Variants in CSMD1 observed in about 807,000 individuals in gnomAD.
CSMD1 encodes CUB and Sushi multiple domains 1.
CSMD1 carries 213 observed loss-of-function variants against 417.5 expected under a neutral mutation model. That is an observed-to-expected ratio of 0.51 (90% CI 0.46 to 0.57). CSMD1 has a LOEUF of 0.57. CSMD1 is among the 20% of genes least tolerant of loss of function. CSMD1 has a pLI of 0.00. For synonymous variants in CSMD1, 2,862 were observed against 1,736.8 expected, an observed-to-expected ratio of 1.65 and a Z score of -16.11; for missense variants, 6,923 against 4,529.7, an observed-to-expected ratio of 1.53 and a Z score of -15.17.
At chr8:4,031,324 C>G (rs1035371765) in intron 4 of CSMD1, among the ~76,000 whole-genome samples, 1 of 152,294 alleles carries the variant, frequency 6.6e-6, no homozygotes, top group Admixed American at 6.5e-5. Context: ...CTGGGGAAGC[C>G]TCACAATCAT....
At chr8:3,132,468 A>T (rs1817842728) in intron 41 of CSMD1, among the ~76,000 whole-genome samples, 1 of 152,142 alleles carries the variant, frequency 6.6e-6, no homozygotes, top group Non-Finnish European at 1.5e-5. Flanking sequence ...TTAAACACTG[A>T]TCTATGAAAG....
At chr8:4,387,485 A>G (rs1803528079) in intron 3 of CSMD1, among the ~76,000 whole-genome samples, 1 of 147,088 alleles carries the variant, frequency 6.8e-6, no homozygotes, top group African/African-American at 2.5e-5. Flanking sequence ...CTTTCATATC[A>G]TACTTGCATA....
chr8:3,263,048 A>G (rs1801192811), intron 26 of CSMD1, among the ~76,000 whole-genome samples: 1 of 152,152 alleles, frequency 6.6e-6, no homozygotes, highest in Non-Finnish European at 1.5e-5. Flanking sequence ...TTTTGAATTC[A>G]TATGTCACCT....
At chr8:4,773,216 G>A (rs1312272515) in intron 1 of CSMD1, among the ~76,000 whole-genome samples, 3 of 152,102 alleles carry the variant, frequency 2.0e-5, no homozygotes, top group Non-Finnish European at 4.4e-5. Flanking sequence ...ACATGTCACA[G>A]CTCAAAAAGT....
At chr8:4,759,903 C>T (rs753081466) in intron 1 of CSMD1, among the ~76,000 whole-genome samples, 2 of 152,128 alleles carry the variant, frequency 1.3e-5, no homozygotes, top group Non-Finnish European at 2.9e-5. Flanking sequence ...AATAGCATGA[C>T]TTATATTTCT....
intron 25 of CSMD1, among the ~76,000 whole-genome samples, chr8:3,293,407 A>G (rs137942967): frequency 1.1e-3 from 162 of 152,270 alleles, no homozygotes; most frequent in Non-Finnish European, 2.0e-3. Flanking sequence ...CCTGGTTAAT[A>G]TCCTGCAGAG....
At chr8:2,959,185 A>C (rs1803260421) in intron 62 of CSMD1, among the ~76,000 whole-genome samples, 1 of 152,218 alleles carries the variant, frequency 6.6e-6, no homozygotes. Context: ...AGCTCATTGC[A>C]TCCTTGACCT....
At chr8:4,200,243 C>G (rs951441455) in intron 3 of CSMD1, among the ~76,000 whole-genome samples, 3 of 152,160 alleles carry the variant, frequency 2.0e-5, no homozygotes, top group African/African-American at 7.2e-5. Flanking sequence ...AACAATTCCT[C>G]TATTCAATAC....
chr8:4,905,628 G>T (rs907755212), intron 1 of CSMD1, among the ~76,000 whole-genome samples: 2 of 151,588 alleles, frequency 1.3e-5, no homozygotes, highest in African/African-American at 4.8e-5. Context: ...GGCCATCCTG[G>T]CTAACACGGT....
intron 3 of CSMD1, among the ~76,000 whole-genome samples, chr8:4,080,901 T>G (rs980006802): frequency 3.3e-5 from 5 of 152,164 alleles, no homozygotes; most frequent in African/African-American, 1.2e-4. Context: ...AAGGTGATAG[T>G]ATTAAGAGGC....
Position 2,977,912 on chromosome 8 carries a change from A to G in CSMD1, c.8566+700T>C, listed in dbSNP as rs186800584. On this transcript the variant is annotated intron_variant, in intron 55 of 69. Coordinates refer to ENST00000635120, the MANE Select transcript of CSMD1 (RefSeq NM_033225.6). ...GCCTGTCAGAATGGCAATTATTAAA[A>G]AGTCAAGAAACAACAGATGCTGGCG... Among the ~76,000 whole-genome samples the G allele has an allele frequency of 5.8e-3, 876 of 152,334 alleles. 6 individuals carry two copies. The highest frequency in any genetic ancestry group is 0.02 in the African/African-American group (834 of 41,562).
At chr8:4,554,328 G>A (rs765247058) in intron 2 of CSMD1, among the ~76,000 whole-genome samples, 1 of 151,892 alleles carries the variant, frequency 6.6e-6, no homozygotes, top group Non-Finnish European at 1.5e-5. Context: ...GTAGAGACAG[G>A]GTTTCACCAT....
intron 7 of CSMD1, among the ~76,000 whole-genome samples, chr8:3,701,951 TATC>T (rs1366251756): frequency 6.6e-6 from 1 of 152,106 alleles, no homozygotes; most frequent in African/African-American, 2.4e-5. Flanking sequence ...TAGGGGCGAA[TATC>T]ATTCTGTTTT....
chr8:4,195,489 T>A (rs1799279818), intron 3 of CSMD1, among the ~76,000 whole-genome samples: 1 of 152,180 alleles, frequency 6.6e-6, no homozygotes, highest in South Asian at 2.1e-4. Flanking sequence ...AGTCTCACCC[T>A]CTGTTGTTCA....
chr8:4,375,898 T>A (rs111489615), intron 3 of CSMD1, among the ~76,000 whole-genome samples: 2,122 of 152,232 alleles, frequency 0.014, 50 homozygotes, highest in African/African-American at 0.048. Flanking sequence ...GCAAATGCCT[T>A]CAGGATACGG....
At chr8:3,628,293 G>C (rs545245543) in intron 7 of CSMD1, among the ~76,000 whole-genome samples, 1 of 152,070 alleles carries the variant, frequency 6.6e-6, no homozygotes, top group Non-Finnish European at 1.5e-5. Context: ...GCCCAGCAGA[G>C]GTTGCAGCCC....
intron 1 of CSMD1, among the ~76,000 whole-genome samples, chr8:4,709,037 C>T (rs1049379150): frequency 9.8e-5 from 15 of 152,294 alleles, no homozygotes; most frequent in African/African-American, 3.4e-4. Flanking sequence ...GCTGAAGCTT[C>T]CCAGTCTATG....
At chr8:3,529,233 T>G (rs1406761382) in intron 10 of CSMD1, among the ~76,000 whole-genome samples, 7 of 152,212 alleles carry the variant, frequency 4.6e-5, no homozygotes, top group Non-Finnish European at 7.3e-5. Context: ...AAATGCAAAA[T>G]GCCAGTAGCT....
intron 10 of CSMD1, among the ~76,000 whole-genome samples, chr8:3,561,209 A>G (rs115047945): frequency 0.017 from 2,617 of 152,308 alleles, 94 homozygotes; most frequent in African/African-American, 0.06. Context: ...GTAAGCCTCT[A>G]TGGAAAACAG....
Sources: gnomAD v4.1 joint callset for allele counts (sites outside exome capture counted in the v4.1 genomes callset) on GRCh38, gnomAD v4.1.1 for gene constraint, MANE v1.5 for transcripts, NCBI Gene and HGNC (gene_info 2026-07-23, HGNC 2026-07-21) for gene names.